The following OR5AS1 variants were observed in gnomAD, a reference collection of about 807,000 sequenced individuals.
OR5AS1 encodes the protein olfactory receptor family 5 subfamily AS member 1.
For synonymous variants in OR5AS1, 196 were observed against 141.7 expected (o/e 1.38, Z -2.72); for missense variants, 492 against 378.2 (o/e 1.30, Z -2.50).
chr11:56,029,896 C>T (rs1213340170), intron 1 of OR5AS1, among the ~76,000 whole-genome samples: 3 of 152,088 alleles, frequency 2.0e-5, no homozygotes, highest in Non-Finnish European at 4.4e-5. Flanking sequence ...TTACCATGCT[C>T]TTAACTACCA....
chr11:56,033,112 C>T lies in OR5AS1; in HGVS notation c.*1719C>T, dbSNP rs1385818242. 1 of 152,370 alleles carries T rather than the reference C, an allele frequency of 6.6e-6. No individual in the cohort carries two copies. The highest frequency in any genetic ancestry group is 1.5e-5 in the Non-Finnish European group (1 of 68,244). 9.4% of individuals were successfully genotyped at this position (152,370 alleles called of 1,614,324 possible). On this transcript the variant is annotated 3_prime_UTR_variant, in exon 2 of 2. Coordinates refer to ENST00000641320, the MANE Select transcript of OR5AS1 (RefSeq NM_001001921.2). The stretch of plus-strand genomic sequence containing the variant: ...CTCTGGCCCAGATACTATGCTTTTC[C>T]CATCGTCTTCACAACACACGGACCA...
chr11:56,036,657 A>T lies in OR5AS1; in HGVS notation c.*5264A>T, dbSNP rs890716179. On this transcript the variant is annotated 3_prime_UTR_variant, in exon 2 of 2. Coordinates refer to ENST00000641320, the MANE Select transcript of OR5AS1 (RefSeq NM_001001921.2). ...AGTAATTAATAGCCTACCAACAAAAAATAGTCCAGGACCAGCCAAATTCTA... is the reference window on the plus strand; with the variant it reads ...AGTAATTAATAGCCTACCAACAAAATATAGTCCAGGACCAGCCAAATTCTA... 6.6e-6 allele frequency: 1 copy of T among 151,894 alleles called. No individual in the cohort carries two copies. Among genetic ancestry groups the T allele is most frequent in the Non-Finnish European group, 1.5e-5 (1 of 67,924 alleles). The allele number at this position is 151,894 out of a possible 1,614,324, so 9.4% of individuals were successfully genotyped here.
chr11:56,034,318 C>G lies in OR5AS1; in HGVS notation c.*2925C>G, dbSNP rs536613192. 1 of 151,968 alleles carries G rather than the reference C, an allele frequency of 6.6e-6. No individual in the cohort carries two copies. Among genetic ancestry groups the G allele is most frequent in the Non-Finnish European group, 1.5e-5 (1 of 68,020 alleles). 9.4% of individuals were successfully genotyped at this position (151,968 alleles called of 1,614,324 possible). A position where few individuals can be genotyped will look rare whatever the true frequency, so the allele number is the denominator to read the frequency against. Reference sequence around the variant, plus strand: ...TTGGGTAATATCAAACTCCTCTGAGCTAAAGGAGCATGTCCTAACTCAATG... The same window carrying G: ...TTGGGTAATATCAAACTCCTCTGAGGTAAAGGAGCATGTCCTAACTCAATG... On this transcript the variant is annotated 3_prime_UTR_variant, in exon 2 of 2. Transcript: ENST00000641320.
At position 56,034,998 on chromosome 11, in the gene OR5AS1, G is replaced by C. The variant is rs2134698882; in HGVS notation, c.*3605G>C. The C allele has an allele frequency of 6.6e-6, 1 of 152,246 alleles. No homozygotes were observed. Among genetic ancestry groups the C allele is most frequent in the East Asian group, 1.9e-4 (1 of 5,184 alleles). 9.4% of individuals were successfully genotyped at this position (152,246 alleles called of 1,614,324 possible). On this transcript the variant is annotated 3_prime_UTR_variant, in exon 2 of 2. Transcript: ENST00000641320. Reference sequence around the variant, plus strand: ...CTTAAAGAAAAGAATTTTAAATGCAGAGTTTCATATTCAGCCAAACTAAGC... The same window carrying C: ...CTTAAAGAAAAGAATTTTAAATGCACAGTTTCATATTCAGCCAAACTAAGC...
At chr11:56,028,306 T>A (rs1012281680) in intron 1 of OR5AS1, among the ~76,000 whole-genome samples, 3 of 151,988 alleles carry the variant, frequency 2.0e-5, no homozygotes, top group African/African-American at 7.3e-5. Context: ...GCTAATTAAA[T>A]ATAACAAATA....
chr11:56,031,528 C>T lies in OR5AS1; in HGVS notation c.*135C>T. ...CATTAAAATGCTTCATCCTCTCTTC[C>T]AAAAATGTTCTCTCCACAATTCTAC... On this transcript the variant is annotated 3_prime_UTR_variant, in exon 2 of 2. Transcript: ENST00000641320. 1 of 628,590 alleles carries T rather than the reference C, an allele frequency of 1.6e-6. No homozygotes were observed. The highest frequency in any genetic ancestry group is 2.7e-6 in the Non-Finnish European group (1 of 369,762). 38.9% of individuals were successfully genotyped at this position (628,590 alleles called of 1,614,324 possible). A position where few individuals can be genotyped will look rare whatever the true frequency, so the allele number is the denominator to read the frequency against.
In OR5AS1 at chr11:56,034,147, C is replaced by A. The variant is rs1490792260; in HGVS notation, c.*2754C>A. The A allele has an allele frequency of 6.6e-6, 1 of 152,070 alleles. No homozygotes were observed. The highest frequency in any genetic ancestry group is 6.5e-5 in the Admixed American group (1 of 15,272). The allele number at this position is 152,070 out of a possible 1,614,324, so 9.4% of individuals were successfully genotyped here. A position where few individuals can be genotyped will look rare whatever the true frequency, so the allele number is the denominator to read the frequency against. On this transcript the variant is annotated 3_prime_UTR_variant, in exon 2 of 2. Transcript: ENST00000641320. ...TAAATGCATGATGGTGAGGAAAAAC[C>A]AATGCAAAAAGGCTGAAAATTTCTA...
At chr11:56,028,443 G>T (rs1853316847) in intron 1 of OR5AS1, among the ~76,000 whole-genome samples, 1 of 152,080 alleles carries the variant, frequency 6.6e-6, no homozygotes, top group African/African-American at 2.4e-5. Context: ...GTAAAGAAAA[G>T]ATTGAGTGAA....
At position 56,032,245 on chromosome 11, in the gene OR5AS1, C is replaced by T. The variant is rs1565026950; in HGVS notation, c.*852C>T. 1 of 152,032 alleles carries T rather than the reference C, an allele frequency of 6.6e-6. No homozygotes were observed. Among genetic ancestry groups the T allele is most frequent in the South Asian group, 2.1e-4 (1 of 4,824 alleles). The allele number at this position is 152,032 out of a possible 1,614,324, so 9.4% of individuals were successfully genotyped here. On this transcript the variant is annotated 3_prime_UTR_variant, in exon 2 of 2. Coordinates refer to ENST00000641320, the MANE Select transcript of OR5AS1 (RefSeq NM_001001921.2). ...TTGTGAATACTATCAAGATTATAAA[C>T]TGTAGAATTTCCTAATTATTTATAT...
At position 56,035,349 on chromosome 11, in the gene OR5AS1, G is replaced by T. The variant is rs574072876; in HGVS notation, c.*3956G>T. The T allele has an allele frequency of 3.3e-5, 5 of 152,142 alleles. No homozygotes were observed. Among genetic ancestry groups the T allele is most frequent in the East Asian group, 3.9e-4 (2 of 5,150 alleles). 9.4% of individuals were successfully genotyped at this position (152,142 alleles called of 1,614,324 possible). ...AATTGGATAGAGTCAAGACCGATTGGTGTGCTGTATTCAGGAGACCGATCT... is the reference window on the plus strand; with the variant it reads ...AATTGGATAGAGTCAAGACCGATTGTTGTGCTGTATTCAGGAGACCGATCT... On this transcript the variant is annotated 3_prime_UTR_variant, in exon 2 of 2. Transcript: ENST00000641320.
chr11:56,030,428 A>G lies in OR5AS1; in HGVS notation c.10A>G (p.Ser4Gly), dbSNP rs1356498259. 2 of 1,459,422 alleles carry G rather than the reference A, an allele frequency of 1.4e-6. No homozygotes were observed. Among genetic ancestry groups the G allele is most frequent in the Admixed American group, 2.4e-5 (1 of 41,188 alleles). The allele number at this position is 1,459,422 out of a possible 1,614,324, so 90.4% of individuals were successfully genotyped here. Residue 4 changes from serine to glycine, a missense_variant, in exon 2 of 2, where the codon AGT (serine) becomes GGT (glycine). Transcript: ENST00000641320. MLESNYTMPTEFLF... is the reference protein window; with the variant it reads MLEGNYTMPTEFLF... ...AAACAAGAAAACTAAGATGTTGGAG[A>G]GTAATTACACCATGCCAACTGAGTT...
In OR5AS1 at chr11:56,032,823, T is replaced by G. The variant is rs1214721052; in HGVS notation, c.*1430T>G. The G allele has an allele frequency of 6.6e-6, 1 of 152,094 alleles. No homozygotes were observed. Among genetic ancestry groups the G allele is most frequent in the Non-Finnish European group, 1.5e-5 (1 of 68,026 alleles). 9.4% of individuals were successfully genotyped at this position (152,094 alleles called of 1,614,324 possible). A position where few individuals can be genotyped will look rare whatever the true frequency, so the allele number is the denominator to read the frequency against. On this transcript the variant is annotated 3_prime_UTR_variant, in exon 2 of 2. Transcript: ENST00000641320. The stretch of plus-strand genomic sequence containing the variant: ...TCTCAGTGCATATCATAGTTATGTT[T>G]GGTGGCTGGCAAGATGGTCAAATAG...
rs1368071542 is a variant in OR5AS1, at chr11:56,034,886, C to T, written c.*3493C>T. The T allele has an allele frequency of 6.6e-6, 1 of 152,096 alleles. No individual in the cohort carries two copies. The highest frequency in any genetic ancestry group is 1.5e-5 in the Non-Finnish European group (1 of 68,050). 9.4% of individuals were successfully genotyped at this position (152,096 alleles called of 1,614,324 possible). A position where few individuals can be genotyped will look rare whatever the true frequency, so the allele number is the denominator to read the frequency against. On this transcript the variant is annotated 3_prime_UTR_variant, in exon 2 of 2. Coordinates refer to ENST00000641320, the MANE Select transcript of OR5AS1 (RefSeq NM_001001921.2). ...AGCCAGAGAGAAAGCTCACATTACCCACAAAGGGAAGCCCATCAGACTAAC... is the reference window on the plus strand; with the variant it reads ...AGCCAGAGAGAAAGCTCACATTACCTACAAAGGGAAGCCCATCAGACTAAC...
chr11:56,031,651 A>C lies in OR5AS1; in HGVS notation c.*258A>C, dbSNP rs1853352885. On this transcript the variant is annotated 3_prime_UTR_variant, in exon 2 of 2. Coordinates refer to ENST00000641320, the MANE Select transcript of OR5AS1 (RefSeq NM_001001921.2). ...TTGATTCTGTTCTTTACGATGTTGT[A>C]TTGAAGGTAAATATTGACTTTTCAG... The C allele has an allele frequency of 3.7e-6, 1 of 270,324 alleles. No homozygotes were observed. Among genetic ancestry groups the C allele is most frequent in the Non-Finnish European group, 7.0e-6 (1 of 142,148 alleles). 16.7% of individuals were successfully genotyped at this position (270,324 alleles called of 1,614,324 possible).
rs142890517 is a variant in OR5AS1, at chr11:56,030,938, G to A, written c.520G>A (p.Val174Ile). The stretch of plus-strand genomic sequence containing the variant: ...GCTGTCATTTTGTGGCTCCAATATC[G>A]TCAATCATTTTTTCTGTGATATCCC... ...FRLSFCGSNI[V>I]NHFFCDIPPL... The change falls in exon 2 of 2, where the codon GTC becomes ATC. Residue 174 changes from valine to isoleucine, a missense_variant. Coordinates refer to ENST00000641320, the MANE Select transcript of OR5AS1 (RefSeq NM_001001921.2). 1.9e-5 allele frequency: 31 copies of A among 1,613,956 alleles called. No homozygotes were observed. Among genetic ancestry groups the A allele is most frequent in the South Asian group, 9.9e-5 (9 of 91,086 alleles).
rs2134695856 is a variant in OR5AS1 at position 56,032,872 on chromosome 11, C to G, written c.*1479C>G. 1 of 152,304 alleles carries G rather than the reference C, an allele frequency of 6.6e-6. No homozygotes were observed. Among genetic ancestry groups the G allele is most frequent in the African/African-American group, 2.4e-5 (1 of 41,486 alleles). 9.4% of individuals were successfully genotyped at this position (152,304 alleles called of 1,614,324 possible). On this transcript the variant is annotated 3_prime_UTR_variant, in exon 2 of 2. Coordinates refer to ENST00000641320, the MANE Select transcript of OR5AS1 (RefSeq NM_001001921.2). ...AGGAGATGCTCCAGTCTGCTGCTCC[C>G]AGCAAGATCAACAGAGAAGGTGGGT...
At position 56,031,078 on chromosome 11, in the gene OR5AS1, C is replaced by A. The variant is rs1441887280; in HGVS notation, c.660C>A (p.Cys220Ter). 6.2e-7 allele frequency: 1 copy of A among 1,614,032 alleles called. No homozygotes were observed. ...TFVVIFISYF[C>*]ILITVLSIKS... ...TGGTAATATTTATTTCTTACTTCTGCATCCTCATCACTGTGTTGAGCATCA... is the reference window on the plus strand; with the variant it reads ...TGGTAATATTTATTTCTTACTTCTGAATCCTCATCACTGTGTTGAGCATCA... Residue 220 changes from cysteine (C) to a stop codon, truncating the protein, a stop_gained, in exon 2 of 2, where the codon TGC (cysteine) becomes TGA (stop). Transcript: ENST00000641320. LOFTEE classifies it low-confidence loss of function (END_TRUNC).
Position 56,030,616 on chromosome 11 carries a change from A to G in OR5AS1, c.198A>G (p.Leu66=), listed in dbSNP as rs1344211867. 3 of 1,548,490 alleles carry G rather than the reference A, an allele frequency of 1.9e-6. No homozygotes were observed. In the East Asian group the frequency reaches 6.7e-5, roughly 35 times the overall value. Residue 66 remains leucine (L), a synonymous_variant, in exon 2 of 2, where the codon TTA becomes TTG. Coordinates refer to ENST00000641320, the MANE Select transcript of OR5AS1 (RefSeq NM_001001921.2). ...CCATGTATTATTTTCTTAGCAACTT[A>G]TCTTTCTTAGACATCAGCTGTTCTA... is the stretch of plus-strand genomic sequence containing the variant. The part of the protein sequence containing the change: ...QIPMYYFLSN[L]SFLDISCSTA...
At position 56,036,874 on chromosome 11, in the gene OR5AS1, A is replaced by T. The variant is rs1033571485; in HGVS notation, c.*5481A>T. The T allele has an allele frequency of 6.6e-6, 1 of 152,108 alleles. No individual in the cohort carries two copies. The highest frequency in any genetic ancestry group is 1.5e-5 in the Non-Finnish European group (1 of 68,028). The allele number at this position is 152,108 out of a possible 1,614,324, so 9.4% of individuals were successfully genotyped here. The stretch of plus-strand genomic sequence containing the variant: ...AACATGATGCAAAAATCCTCAAAAA[A>T]TACTGGCAAACTGAATTCAGCGGCA... On this transcript the variant is annotated 3_prime_UTR_variant, in exon 2 of 2. Transcript: ENST00000641320.
Sources: allele counts gnomAD v4.1 joint callset (sites outside exome capture counted in the v4.1 genomes callset), GRCh38; gene constraint gnomAD v4.1.1; transcripts MANE v1.5; gene names NCBI Gene and HGNC (gene_info 2026-07-23, HGNC 2026-07-21).